The following MAST4 variants were observed in gnomAD, a reference collection of about 807,000 sequenced individuals.
MAST4 encodes the protein microtubule-associated serine/threonine-protein kinase 4.
MAST4 carries 89 observed loss-of-function variants against 162.7 expected under a neutral mutation model. The ratio of observed to expected loss-of-function variants is 0.55; its 90% CI spans 0.46 to 0.65. The LOEUF (loss-of-function observed/expected upper bound fraction) is 0.65, where lower values mean the gene tolerates loss of function less well. Ranked by LOEUF, MAST4 falls within the 30% of genes least tolerant of loss-of-function variation. The pLI is 0.00. For missense variants in MAST4, 3,153 were observed against 3,374.0 expected, an observed-to-expected ratio of 0.93 and a Z score of 1.62; for synonymous variants, 1,479 against 1,361.1, an observed-to-expected ratio of 1.09 and a Z score of -1.91.
intron 3 of MAST4, among the ~76,000 whole-genome samples, chr5:66,872,072 C>A (rs1760968889): frequency 6.6e-6 from 1 of 152,126 alleles, no homozygotes; most frequent in Admixed American, 6.6e-5. Flanking sequence ...GACACAGATA[C>A]CTCTGATATA....
At chr5:66,991,484 T>G (rs898986492) in intron 4 of MAST4, among the ~76,000 whole-genome samples, 2 of 152,160 alleles carry the variant, frequency 1.3e-5, no homozygotes, top group African/African-American at 4.8e-5. Context: ...CTCCATTATG[T>G]GCAGCAGGCT....
intron 4 of MAST4, among the ~76,000 whole-genome samples, chr5:66,967,699 AAAG>A: frequency 6.6e-6 from 1 of 151,794 alleles, no homozygotes; most frequent in Non-Finnish European, 1.5e-5. Flanking sequence ...AAAAAAAAAA[AAAG>A]AAAAACATCT....
At chr5:66,638,707 G>T (rs575844059) in intron 1 of MAST4, among the ~76,000 whole-genome samples, 31 of 152,180 alleles carry the variant, frequency 2.0e-4, no homozygotes, top group Non-Finnish European at 3.7e-4. Flanking sequence ...TCTGTGGACA[G>T]TTGCATCACC....
intron 4 of MAST4, among the ~76,000 whole-genome samples, chr5:66,954,132 A>G (rs1039565303): frequency 1.3e-5 from 2 of 152,144 alleles, no homozygotes; most frequent in Non-Finnish European, 2.9e-5. Context: ...GTTTAAACCA[A>G]TGTCCCCCCA....
intron 5 of MAST4, among the ~76,000 whole-genome samples, chr5:67,069,287 G>GATAGATATATATAT (rs1554091653): frequency 9.3e-6 from 1 of 107,648 alleles, no homozygotes; most frequent in African/African-American, 4.1e-5. Flanking sequence ...GAGGAGATTG[G>GATAGATATATATAT]ATATATATAT....
intron 4 of MAST4, among the ~76,000 whole-genome samples, chr5:66,928,179 A>G (rs1765045080): frequency 6.6e-6 from 1 of 152,208 alleles, no homozygotes; most frequent in East Asian, 1.9e-4. Flanking sequence ...AATTCAGTGC[A>G]TAATACCCCT....
intron 1 of MAST4, among the ~76,000 whole-genome samples, chr5:66,733,133 AAAC>A (rs1393866228): frequency 1.3e-5 from 2 of 152,118 alleles, no homozygotes; most frequent in Non-Finnish European, 2.9e-5. Flanking sequence ...CCTTTGCTTT[AAAC>A]AAAAATGGGT....
At chr5:66,718,767 T>C (rs1412014638) in intron 1 of MAST4, among the ~76,000 whole-genome samples, 1 of 152,214 alleles carries the variant, frequency 6.6e-6, no homozygotes, top group African/African-American at 2.4e-5. Flanking sequence ...CTTCCTCTTT[T>C]GTATCATGCA....
intron 3 of MAST4, among the ~76,000 whole-genome samples, chr5:66,836,621 G>A (rs1448766089): frequency 6.6e-6 from 1 of 152,146 alleles, no homozygotes; most frequent in African/African-American, 2.4e-5. Context: ...CTGTAAAAAT[G>A]AATGAGATCA....
chr5:66,923,826 G>T (rs1458213156), intron 4 of MAST4, among the ~76,000 whole-genome samples: 2 of 152,172 alleles, frequency 1.3e-5, no homozygotes, highest in African/African-American at 2.4e-5. Context: ...ATGAAACCTG[G>T]CCTTGTACAT....
At chr5:66,888,050 A>T (rs186997643) in intron 3 of MAST4, among the ~76,000 whole-genome samples, 138 of 152,306 alleles carry the variant, frequency 9.1e-4, no homozygotes, top group Non-Finnish European at 1.3e-3. Context: ...CTACTAAAAA[A>T]AAAAATAAAA....
intron 4 of MAST4, among the ~76,000 whole-genome samples, chr5:66,991,398 C>T (rs906452911): frequency 1.3e-5 from 2 of 152,116 alleles, no homozygotes; most frequent in African/African-American, 4.8e-5. Context: ...TTAGACTCAC[C>T]CAGAATATTA....
At chr5:67,106,326 C>A (rs1435080968) in intron 10 of MAST4, among the ~76,000 whole-genome samples, 1 of 152,114 alleles carries the variant, frequency 6.6e-6, no homozygotes, top group Non-Finnish European at 1.5e-5. Flanking sequence ...CCTGGGCAGC[C>A]CACTGAAGCA....
intron 4 of MAST4, among the ~76,000 whole-genome samples, chr5:66,936,619 C>G (rs913452502): frequency 3.9e-5 from 6 of 152,104 alleles, no homozygotes; most frequent in Non-Finnish European, 8.8e-5. Flanking sequence ...AGGAATTTCA[C>G]AAGACAATGT....
At chr5:66,833,668 T>C (rs1004643967) in intron 3 of MAST4, among the ~76,000 whole-genome samples, 1 of 152,252 alleles carries the variant, frequency 6.6e-6, no homozygotes, top group Non-Finnish European at 1.5e-5. Flanking sequence ...CTTCTGCTTA[T>C]TAGAGATTAA....
intron 3 of MAST4, among the ~76,000 whole-genome samples, chr5:66,847,820 C>CAAAAAAAAAAAAAAAAAAAAAAAAAAAA (rs777825639): frequency 3.7e-5 from 2 of 54,146 alleles, no homozygotes; most frequent in South Asian, 1.4e-3. Flanking sequence ...GACTCCTTCT[C>CAAAAAAAAAAAAAAAAAAAAAAAAAAAA]AAAAAAAAAA....
chr5:66,680,916 C>G (rs1748289217), intron 1 of MAST4, among the ~76,000 whole-genome samples: 1 of 152,214 alleles, frequency 6.6e-6, no homozygotes, highest in Non-Finnish European at 1.5e-5. Context: ...GCCTCCTTGC[C>G]ACCTGGGCTG....
In MAST4 at chr5:67,052,908, T is replaced by C. The variant is rs369434032; in HGVS notation, c.675-1496T>C. Among the ~76,000 whole-genome samples the C allele has an allele frequency of 9.9e-5, 15 of 152,282 alleles. 1 individual carries two copies. The highest frequency in any genetic ancestry group is 3.4e-4 in the African/African-American group (14 of 41,572). On this transcript the variant is annotated intron_variant, in intron 4 of 28. Coordinates refer to ENST00000403625, the MANE Select transcript of MAST4 (RefSeq NM_001164664.2). ...TATTGGAATGAAAGAAGACATTAAT[T>C]TGAATTAACACTGAATACATTATAC... is the stretch of plus-strand genomic sequence containing the variant.
chr5:67,069,312 A>ATATATATATATATATATATAT (rs1561606003), intron 5 of MAST4, among the ~76,000 whole-genome samples: 138 of 133,906 alleles, frequency 1.0e-3, no homozygotes, highest in African/African-American at 2.6e-3. Context: ...ATATATATAT[A>ATATATATATATATATATATAT]AAATTTTAAA....
Sources: allele counts gnomAD v4.1 joint callset (sites outside exome capture counted in the v4.1 genomes callset), GRCh38; gene constraint gnomAD v4.1.1; transcripts MANE v1.5; gene names NCBI Gene and HGNC (gene_info 2026-07-23, HGNC 2026-07-21).